SUSD4: variants seen among roughly 807,000 people sequenced by gnomAD.
The protein encoded by SUSD4 is sushi domain containing 4.
SUSD4 carries 41 observed loss-of-function variants against 50.5 expected under a neutral mutation model. That is an observed-to-expected ratio of 0.81 (90% CI 0.63 to 1.05). The LOEUF (loss-of-function observed/expected upper bound fraction) is 1.05, where lower values mean the gene tolerates loss of function less well. Among genes scored for constraint, SUSD4 ranks in the 50% least tolerant of loss-of-function variants. The pLI is 0.00. For missense variants in SUSD4, 580 were observed against 634.7 expected, an observed-to-expected ratio of 0.91 and a Z score of 0.93; for synonymous variants, 257 against 257.3, an observed-to-expected ratio of 1.00 and a Z score of 0.01.
At chr1:223,275,967 G>A (rs1223944041) in intron 3 of SUSD4, among the ~76,000 whole-genome samples, 1 of 152,220 alleles carries the variant, frequency 6.6e-6, no homozygotes, top group African/African-American at 2.4e-5. Flanking sequence ...ACCCAGCATG[G>A]GGTGCCAAGG....
intron 2 of SUSD4, among the ~76,000 whole-genome samples, chr1:223,335,183 T>A (rs764443070): frequency 2.6e-4 from 39 of 152,198 alleles, no homozygotes; most frequent in Non-Finnish European, 4.0e-4. Flanking sequence ...TATAAACATG[T>A]GTATGCAAGT....
intron 5 of SUSD4, chr1:223,263,724 C>A (rs193214578): frequency 1.0e-6 from 1 of 985,434 alleles, no homozygotes; most frequent in South Asian, 4.7e-5. Flanking sequence ...CCATGACACA[C>A]GTCCTACCCT....
rs578193663 is a variant in SUSD4 at position 223,223,447 on chromosome 1, C to G, written c.1246G>C (p.Gly416Arg). 1.2e-6 allele frequency: 2 copies of G among 1,614,014 alleles called. No homozygotes were observed. The highest frequency in any genetic ancestry group is 2.2e-5 in the East Asian group (1 of 44,862). Residue 416 changes from glycine (G) to arginine (R), a missense_variant, in exon 8 of 9, where the codon GGC becomes CGC. Physicochemically the swap from Gly to Arg is moderately radical, Grantham distance 125. Transcript: ENST00000366878. Reference protein sequence around the residue: ...VDDQSPPAYPGSGDTDTGPGE... With the variant: ...VDDQSPPAYPRSGDTDTGPGE... ...GGGCCTGTGTCCGTGTCCCCTGAGC[C>G]GGGGTATGCTGGGGGGCTCTGGTCG...
Position 223,268,026 on chromosome 1 carries a change from TATATATATATATATATAC to T in SUSD4, c.535+458_535+475del, listed in dbSNP as rs1558197080. On this transcript the variant is annotated intron_variant, in intron 4 of 8. Coordinates refer to ENST00000366878, the MANE Select transcript of SUSD4 (RefSeq NM_017982.4). Reference sequence around the variant, plus strand: ...TTCATGCATTTTTTATATATATATATATATATATATATATATACACACACACTGTTAAGAGAAAACAGC... The same window carrying T: ...TTCATGCATTTTTTATATATATATATACACACACTGTTAAGAGAAAACAGC... Among the ~76,000 whole-genome samples the T allele has an allele frequency of 1.9e-4, 16 of 85,336 alleles. 1 individual carries two copies. Among genetic ancestry groups the T allele is most frequent in the East Asian group, 9.8e-4 (3 of 3,076 alleles). 56.0% of individuals were successfully genotyped at this position (85,336 alleles called of 152,430 possible).
intron 2 of SUSD4, among the ~76,000 whole-genome samples, chr1:223,307,809 T>TTTG (rs1042281293): frequency 1.3e-5 from 2 of 152,180 alleles, no homozygotes; most frequent in Non-Finnish European, 2.9e-5. Flanking sequence ...GGCTCTGGGT[T>TTTG]TTGTTGTTGT....
intron 2 of SUSD4, among the ~76,000 whole-genome samples, chr1:223,301,283 G>A (rs1315982178): frequency 6.6e-6 from 1 of 152,194 alleles, no homozygotes; most frequent in Non-Finnish European, 1.5e-5. Context: ...CCAGCACACA[G>A]TCTCAGTGTG....
At chr1:223,296,707 T>G (rs530107571) in intron 2 of SUSD4, among the ~76,000 whole-genome samples, 3 of 152,150 alleles carry the variant, frequency 2.0e-5, no homozygotes, top group African/African-American at 7.2e-5. Context: ...TAGGAGGTAA[T>G]TGAATTATGG....
chr1:223,233,148 A>G (rs1660002273), intron 5 of SUSD4, among the ~76,000 whole-genome samples: 1 of 152,184 alleles, frequency 6.6e-6, no homozygotes, highest in Non-Finnish European at 1.5e-5. Flanking sequence ...AGGCCAGATA[A>G]AAACCATCCA....
chr1:223,313,541 G>C (rs539968564), intron 2 of SUSD4, among the ~76,000 whole-genome samples: 1 of 152,068 alleles, frequency 6.6e-6, no homozygotes, highest in Non-Finnish European at 1.5e-5. Context: ...AAACCTGAGG[G>C]GGTAGTAGTG....
chr1:223,325,778 C>A (rs930272334), intron 2 of SUSD4, among the ~76,000 whole-genome samples: 7 of 152,098 alleles, frequency 4.6e-5, no homozygotes, highest in African/African-American at 1.7e-4. Flanking sequence ...ACAACAGCTG[C>A]AAACAACAAC....
At chr1:223,239,717 C>CTGTGTG (rs376158993) in intron 5 of SUSD4, among the ~76,000 whole-genome samples, 1 of 149,478 alleles carries the variant, frequency 6.7e-6, no homozygotes, top group East Asian at 1.9e-4. Flanking sequence ...ATATAAGCGT[C>CTGTGTG]TGTGTGTGTG....
chr1:223,291,758 T>A (rs1173900730), intron 3 of SUSD4, among the ~76,000 whole-genome samples: 1 of 152,192 alleles, frequency 6.6e-6, no homozygotes, highest in Non-Finnish European at 1.5e-5. Flanking sequence ...AGATATATCA[T>A]CAACAATTTG....
chr1:223,256,917 C>T (rs555460985), intron 5 of SUSD4, among the ~76,000 whole-genome samples: 78 of 152,232 alleles, frequency 5.1e-4, no homozygotes, highest in Non-Finnish European at 6.9e-4. Flanking sequence ...GAAGGAGCAC[C>T]GGAGCTGTCT....
At chr1:223,291,512 C>CAAAAAAAA (rs1460245024) in intron 3 of SUSD4, among the ~76,000 whole-genome samples, 1 of 99,434 alleles carries the variant, frequency 1.0e-5, no homozygotes, top group African/African-American at 5.2e-5. Context: ...AAAAAAAAAG[C>CAAAAAAAA]TTATTAAGTT....
intron 3 of SUSD4, among the ~76,000 whole-genome samples, chr1:223,285,970 G>A (rs546048199): frequency 2.6e-5 from 4 of 152,214 alleles, no homozygotes; most frequent in Middle Eastern, 3.4e-3. Flanking sequence ...ACCTGCACAG[G>A]TATCCTTGAA....
intron 5 of SUSD4, among the ~76,000 whole-genome samples, chr1:223,253,310 C>T (rs1240726792): frequency 6.7e-6 from 1 of 149,842 alleles, no homozygotes; most frequent in Admixed American, 6.7e-5. Context: ...AGAACGCAAG[C>T]CAAAAACAAC....
In SUSD4 at chr1:223,227,744, T is replaced by A. The variant is rs370684079; in HGVS notation, c.917-6A>T. The A allele has an allele frequency of 6.2e-7, 1 of 1,608,412 alleles. No individual in the cohort carries two copies. Among genetic ancestry groups the A allele is most frequent in the Non-Finnish European group, 8.5e-7 (1 of 1,177,042 alleles). Reference sequence around the variant, plus strand: ...GGTGCTGGGCCACGTTTGCTCTGCATGAGGGAGAACAAAGCTGTACGTGAG... The same window carrying A: ...GGTGCTGGGCCACGTTTGCTCTGCAAGAGGGAGAACAAAGCTGTACGTGAG... On this transcript the variant is annotated splice_polypyrimidine_tract_variant and splice_region_variant and intron_variant, in intron 6 of 8. Transcript: ENST00000366878. This position sits in a 1 kb window ranked among gnomAD's most constrained non-coding sequence, Gnocchi z 4.5.
chr1:223,313,688 G>A (rs1291377407), intron 2 of SUSD4, among the ~76,000 whole-genome samples: 1 of 152,060 alleles, frequency 6.6e-6, no homozygotes, highest in Non-Finnish European at 1.5e-5. Flanking sequence ...ACAAGGTAAG[G>A]TCACAAAAAC....
rs548805127 is a variant in SUSD4 at position 223,268,272 on chromosome 1, T to C, written c.535+230A>G. 2.0e-5 allele frequency among the ~76,000 whole-genome samples: 3 copies of C among 152,160 alleles called. No individual in the cohort carries two copies. The East Asian group carries it at 5.8e-4, about 29-fold the overall frequency. ...GGAATAAGGTGTTTCCTGTTTATCC[T>C]TTAAAACTGGGTGTATGGAGCTGAG... On this transcript the variant is annotated intron_variant, in intron 4 of 8. Coordinates refer to ENST00000366878, the MANE Select transcript of SUSD4 (RefSeq NM_017982.4).
Sources: gnomAD v4.1 joint callset for allele counts (sites outside exome capture counted in the v4.1 genomes callset) on GRCh38, gnomAD v4.1.1 for gene constraint, Gnocchi (gnomAD v3.1) non-coding constraint, MANE v1.5 for transcripts, NCBI Gene and HGNC (gene_info 2026-07-23, HGNC 2026-07-21) for gene names.